PRPF3: variants seen among roughly 807,000 people sequenced by gnomAD.
PRPF3 encodes the protein pre-mRNA processing factor 3, also known as U4/U6 small nuclear ribonucleoprotein Prp3.
PRPF3 carries 3 observed loss-of-function variants against 89.2 expected under a neutral mutation model. The ratio of observed to expected loss-of-function variants is 0.03; its 90% CI spans 0.02 to 0.09. The LOEUF (loss-of-function observed/expected upper bound fraction) is 0.09. Ranked by LOEUF, PRPF3 falls within the 10% of genes least tolerant of loss-of-function variation. The pLI, the probability that PRPF3 is intolerant of heterozygous loss-of-function variation, is 1.00. For synonymous variants in PRPF3, 270 were observed against 289.1 expected, an observed-to-expected ratio of 0.93 and a Z score of 0.67; for missense variants, 463 against 828.8, an observed-to-expected ratio of 0.56 and a Z score of 5.42.
chr1:150,340,521 CCA>C, intron 9 of PRPF3, 44 bp downstream of exon 9: 1 of 1,443,032 alleles, frequency 6.9e-7, no homozygotes, highest in Non-Finnish European at 9.8e-7. Context: ...GCAGCATTAC[CCA>C]TTGGAAATTT....
At chr1:150,349,675 T>A (rs1658690922) in intron 15 of PRPF3, among the ~76,000 whole-genome samples, 1 of 152,160 alleles carries the variant, frequency 6.6e-6, no homozygotes, top group Non-Finnish European at 1.5e-5. Flanking sequence ...TTAGCTATTG[T>A]TCTCTATATT....
rs192591899 is a variant in PRPF3, at chr1:150,328,164, G to C, written c.277-156G>C. ...GAATGTTGAAGTTGGGTGAGATGGAGAGTCTAGTAGACCCTGCTTCTGGCA... is the reference window on the plus strand; with the variant it reads ...GAATGTTGAAGTTGGGTGAGATGGACAGTCTAGTAGACCCTGCTTCTGGCA... On this transcript the variant is annotated intron_variant, in intron 3 of 15. Coordinates refer to ENST00000324862, the MANE Select transcript of PRPF3 (RefSeq NM_004698.4). 1.1e-3 allele frequency: 757 copies of C among 713,224 alleles called. 1 individual carries two copies. Among genetic ancestry groups the C allele is most frequent in the Middle Eastern group, 3.2e-3 (8 of 2,488 alleles). 44.2% of individuals were successfully genotyped at this position (713,224 alleles called of 1,614,324 possible). A position where few individuals can be genotyped will look rare whatever the true frequency, so the allele number is the denominator to read the frequency against.
chr1:150,322,350 G>C (rs1455234559), intron 1 of PRPF3, among the ~76,000 whole-genome samples: 1 of 152,192 alleles, frequency 6.6e-6, no homozygotes. Flanking sequence ...ATGTAAATAT[G>C]GCAGTACTCA....
intron 4 of PRPF3, among the ~76,000 whole-genome samples, chr1:150,331,953 G>A (rs112301153): frequency 0.077 from 11,711 of 151,966 alleles, 568 homozygotes; most frequent in Non-Finnish European, 0.093. Flanking sequence ...GGCTGGGTGC[G>A]GTGGCTCACA....
At chr1:150,335,365 C>A in intron 7 of PRPF3, 124 bp downstream of exon 7, 2 of 1,152,670 alleles carry the variant, frequency 1.7e-6, no homozygotes, top group Non-Finnish European at 2.5e-6. Flanking sequence ...AGTCCTCAAC[C>A]TTTTTGGCAC....
At chr1:150,339,897 T>C (rs1270707609) in intron 8 of PRPF3, among the ~76,000 whole-genome samples, 2 of 152,040 alleles carry the variant, frequency 1.3e-5, no homozygotes, top group African/African-American at 4.8e-5. Context: ...CCAGTTTTTA[T>C]ATTTTTAGTA....
At chr1:150,332,233 A>G (rs782382978) in intron 4 of PRPF3, among the ~76,000 whole-genome samples, 5 of 208 alleles carry the variant, frequency 0.024, no homozygotes, top group Non-Finnish European at 0.15. Flanking sequence ...CAAAAAAAAA[A>G]AAGAAAATTA....
intron 7 of PRPF3, among the ~76,000 whole-genome samples, chr1:150,336,602 A>G (rs1657026160): frequency 6.6e-6 from 1 of 152,026 alleles, no homozygotes; most frequent in Non-Finnish European, 1.5e-5. Context: ...CTAAAAGTAC[A>G]AAAATTAACC....
rs201820757 is a variant in PRPF3 at position 150,343,292 on chromosome 1, A to T, written c.1283-17A>T. Reference sequence around the variant, plus strand: ...GTATTCTTACTGCTTTGGTATACTAATATCTCTGCCTGACAGTTGACAATG... The same window carrying T: ...GTATTCTTACTGCTTTGGTATACTATTATCTCTGCCTGACAGTTGACAATG... On this transcript the variant is annotated splice_polypyrimidine_tract_variant and intron_variant, in intron 9 of 15. Coordinates refer to ENST00000324862, the MANE Select transcript of PRPF3 (RefSeq NM_004698.4). 6.3e-7 allele frequency: 1 copy of T among 1,598,980 alleles called. No homozygotes were observed. The highest frequency in any genetic ancestry group is 8.5e-7 in the Non-Finnish European group (1 of 1,170,348).
chr1:150,346,326 C>G, intron 13 of PRPF3, 82 bp from the exon 14 acceptor site: 1 of 1,424,582 alleles, frequency 7.0e-7, no homozygotes, highest in Non-Finnish European at 9.9e-7. Context: ...CTTCAACTAC[C>G]ACATTAATGT....
chr1:150,334,840 G>A lies in PRPF3; in HGVS notation c.729-95G>A, dbSNP rs149604155. 2.8e-4 allele frequency: 413 copies of A among 1,463,364 alleles called. 1 individual carries two copies. The highest frequency in any genetic ancestry group is 1.2e-3 in the Admixed American group (64 of 51,954). The allele number at this position is 1,463,364 out of a possible 1,614,324, so 90.6% of individuals were successfully genotyped here. On this transcript the variant is annotated intron_variant, in intron 6 of 15. Transcript: ENST00000324862. Reference sequence around the variant, plus strand: ...TGCCTTGGCCTCCCAAAATGCTGTGGTTCCAGGCTTGAGCCACCACGCCTG... The same window carrying A: ...TGCCTTGGCCTCCCAAAATGCTGTGATTCCAGGCTTGAGCCACCACGCCTG...
chr1:150,328,279 G>A (rs782760412), intron 3 of PRPF3, 41 bp from the exon 4 acceptor site: 12 of 1,610,942 alleles, frequency 7.4e-6, no homozygotes, highest in African/African-American at 1.3e-5. Context: ...TTCTCCCCAC[G>A]GGGAGGGATA....
At chr1:150,334,883 G>A in intron 6 of PRPF3, 52 bp from the exon 7 acceptor site, 1 of 1,605,408 alleles carries the variant, frequency 6.2e-7, no homozygotes, top group Non-Finnish European at 8.5e-7. Context: ...TTTGTTTTTT[G>A]CTTGCCTTAA....
chr1:150,346,980 A>T (rs1357647470), intron 14 of PRPF3, among the ~76,000 whole-genome samples: 1 of 152,078 alleles, frequency 6.6e-6, no homozygotes, highest in Non-Finnish European at 1.5e-5. Flanking sequence ...ATTCCCAGCT[A>T]CTCAGGAAGC....
intron 6 of PRPF3, among the ~76,000 whole-genome samples, chr1:150,334,448 G>A (rs1656757239): frequency 6.6e-6 from 1 of 151,914 alleles, no homozygotes; most frequent in South Asian, 2.1e-4. Context: ...TGCAACCTCT[G>A]CCTCCCAGGT....
chr1:150,325,702 C>T, intron 2 of PRPF3, 49 bp from the exon 3 acceptor site: 2 of 1,598,724 alleles, frequency 1.3e-6, no homozygotes, highest in Non-Finnish European at 1.7e-6. Context: ...TAGTATTAGA[C>T]TGTGTACTCT....
intron 12 of PRPF3, 39 bp downstream of exon 12, chr1:150,344,586 A>G: frequency 6.2e-7 from 1 of 1,603,234 alleles, no homozygotes; most frequent in Non-Finnish European, 8.5e-7. Flanking sequence ...CCTTAGAATT[A>G]CTAAAACATT....
Position 150,349,076 on chromosome 1 carries a change from A to C in PRPF3, c.1844-81A>C, listed in dbSNP as rs1377061448. The C allele has an allele frequency of 4.4e-6, 5 of 1,133,100 alleles. No individual in the cohort carries two copies. In the African/African-American group the frequency reaches 6.1e-5, roughly 14 times the overall value. The allele number at this position is 1,133,100 out of a possible 1,614,324, so 70.2% of individuals were successfully genotyped here. A position where few individuals can be genotyped will look rare whatever the true frequency, so the allele number is the denominator to read the frequency against. On this transcript the variant is annotated intron_variant, in intron 14 of 15. Transcript: ENST00000324862. ...CACATAAAAAGGGTGATAATATTTTAGAGAGTTTGGGTAGACTTGAATATT... is the reference window on the plus strand; with the variant it reads ...CACATAAAAAGGGTGATAATATTTTCGAGAGTTTGGGTAGACTTGAATATT...
intron 7 of PRPF3, among the ~76,000 whole-genome samples, chr1:150,335,784 AG>A (rs1386818873): frequency 1.1e-5 from 1 of 90,622 alleles, no homozygotes; most frequent in Non-Finnish European, 2.2e-5. Flanking sequence ...TTGGGCGGGG[AG>A]GGGGATGGAG....
Sources: gnomAD v4.1 joint callset for allele counts (sites outside exome capture counted in the v4.1 genomes callset) on GRCh38, gnomAD v4.1.1 for gene constraint, MANE v1.5 for transcripts, NCBI Gene and HGNC (gene_info 2026-07-23, HGNC 2026-07-21) for gene names.